GPM6A: variants seen among roughly 807,000 people sequenced by gnomAD.
GPM6A encodes neuronal membrane glycoprotein M6-a.
In GPM6A, 7 loss-of-function variants were observed where a neutral mutation model predicts 32.1. The ratio of observed to expected loss-of-function variants is 0.22; its 90% CI spans 0.12 to 0.41. GPM6A has a LOEUF of 0.41. GPM6A is among the 10% of genes least tolerant of loss of function. The pLI is 1.00. For synonymous variants in GPM6A, 130 were observed against 123.4 expected, an observed-to-expected ratio of 1.05 and a Z score of -0.35; for missense variants, 235 against 347.2, an observed-to-expected ratio of 0.68 and a Z score of 2.57.
intron 4 of GPM6A, among the ~76,000 whole-genome samples, chr4:175,642,757 T>C (rs1167869433): frequency 6.6e-6 from 1 of 152,224 alleles, no homozygotes; most frequent in African/African-American, 2.4e-5. Context: ...GCATATCTCA[T>C]CCAGTCCCAG....
At chr4:175,805,613 A>G (rs1734664802) in intron 1 of GPM6A, among the ~76,000 whole-genome samples, 1 of 152,212 alleles carries the variant, frequency 6.6e-6, no homozygotes, top group Non-Finnish European at 1.5e-5. Context: ...TTTAAGTCCA[A>G]AAACATTAAA....
chr4:175,862,120 T>C (rs1202797218), intron 1 of GPM6A, among the ~76,000 whole-genome samples: 4 of 152,230 alleles, frequency 2.6e-5, no homozygotes, highest in African/African-American at 9.6e-5. Flanking sequence ...TTCCATAGAT[T>C]AACTTTTTGG....
chr4:175,892,416 T>G (rs1380049671), intron 1 of GPM6A, among the ~76,000 whole-genome samples: 1 of 152,194 alleles, frequency 6.6e-6, no homozygotes, highest in Admixed American at 6.5e-5. Context: ...TCCTTCAACT[T>G]GTAATTCATG....
chr4:175,739,333 T>G (rs1214416291), intron 1 of GPM6A, among the ~76,000 whole-genome samples: 1 of 152,184 alleles, frequency 6.6e-6, no homozygotes, highest in Non-Finnish European at 1.5e-5. Context: ...TGATGCATTT[T>G]GTCAAATACC....
chr4:175,956,248 C>A (rs1016390704), intron 1 of GPM6A, among the ~76,000 whole-genome samples: 4 of 152,054 alleles, frequency 2.6e-5, no homozygotes, highest in African/African-American at 9.7e-5. Flanking sequence ...TCATTTTATC[C>A]TATGGACAAC....
intron 1 of GPM6A, among the ~76,000 whole-genome samples, chr4:175,860,587 C>T (rs904968899): frequency 2.0e-5 from 3 of 152,120 alleles, no homozygotes; most frequent in South Asian, 2.1e-4. Context: ...GAGAGGGAAG[C>T]GTAGCACAGA....
intron 1 of GPM6A, among the ~76,000 whole-genome samples, chr4:175,975,421 G>A (rs1458160274): frequency 6.6e-6 from 1 of 152,110 alleles, no homozygotes; most frequent in Non-Finnish European, 1.5e-5. Context: ...AAACATCTGT[G>A]ATATAACTAA....
chr4:175,862,650 T>C (rs772996038), intron 1 of GPM6A, among the ~76,000 whole-genome samples: 2 of 152,184 alleles, frequency 1.3e-5, no homozygotes, highest in Non-Finnish European at 2.9e-5. Flanking sequence ...CGTGGCAATG[T>C]TCAGCTTTAG....
At chr4:175,702,384 T>A (rs1347412604) in intron 1 of GPM6A, among the ~76,000 whole-genome samples, 1 of 152,238 alleles carries the variant, frequency 6.6e-6, no homozygotes, top group Non-Finnish European at 1.5e-5. Context: ...TTTTTAACTA[T>A]AATTTCCCTA....
intron 1 of GPM6A, among the ~76,000 whole-genome samples, chr4:175,810,864 C>T (rs1373529775): frequency 1.3e-5 from 2 of 152,070 alleles, no homozygotes; most frequent in Non-Finnish European, 2.9e-5. Context: ...GCTATTTGTG[C>T]ATATAATAAA....
chr4:175,757,612 T>C (rs1732578587), intron 1 of GPM6A, among the ~76,000 whole-genome samples: 1 of 152,210 alleles, frequency 6.6e-6, no homozygotes, highest in Non-Finnish European at 1.5e-5. Flanking sequence ...ACATAAAGTG[T>C]ATTTCTTAGC....
intron 1 of GPM6A, among the ~76,000 whole-genome samples, chr4:175,909,561 T>C (rs923344869): frequency 3.3e-5 from 5 of 152,176 alleles, no homozygotes; most frequent in African/African-American, 1.2e-4. Context: ...TCCATCAGCA[T>C]ACAATATAGG....
At chr4:175,638,318 T>C (rs540355112) in intron 6 of GPM6A, among the ~76,000 whole-genome samples, 1 of 152,156 alleles carries the variant, frequency 6.6e-6, no homozygotes, top group Admixed American at 6.6e-5. Flanking sequence ...TCCCAAGACC[T>C]ACATCATTAT....
intron 1 of GPM6A, among the ~76,000 whole-genome samples, chr4:175,818,454 TAGAG>T: frequency 6.6e-6 from 1 of 152,224 alleles, no homozygotes; most frequent in Non-Finnish European, 1.5e-5. Context: ...AATATATATA[TAGAG>T]AGAGAGTCAG....
chr4:175,881,007 C>T (rs1226088492), intron 1 of GPM6A, among the ~76,000 whole-genome samples: 2 of 152,122 alleles, frequency 1.3e-5, no homozygotes, highest in Non-Finnish European at 2.9e-5. Context: ...TCTAATTAAA[C>T]TAAAGAGCTC....
Position 175,954,942 on chromosome 4 carries a change from A to G in GPM6A, c.-23+47367T>C, listed in dbSNP as rs7672078. On this transcript the variant is annotated intron_variant, in intron 1 of 7. Coordinates refer to the GPM6A transcript ENST00000280187. ...ACTACAGGCGCTGTGAGGGCCTAAT[A>G]ATACTTAAGTCAAAGGACCAGACAA... Among the ~76,000 whole-genome samples, 641 of 152,316 alleles carry G rather than the reference A, an allele frequency of 4.2e-3. 6 individuals carry two copies. The highest frequency in any genetic ancestry group is 0.015 in the African/African-American group (620 of 41,566).
At chr4:175,979,421 T>C (rs1740758196) in intron 1 of GPM6A, among the ~76,000 whole-genome samples, 1 of 152,158 alleles carries the variant, frequency 6.6e-6, no homozygotes, top group Non-Finnish European at 1.5e-5. Flanking sequence ...ATATCAATCA[T>C]ACTAAAATTT....
At position 175,806,239 on chromosome 4, in the gene GPM6A, G is replaced by C. The variant is rs150877271; in HGVS notation, c.37+5952C>G. 2.6e-3 allele frequency among the ~76,000 whole-genome samples: 393 copies of C among 152,270 alleles called. 11 individuals carry two copies. The East Asian group carries it at 0.07, about 27-fold the overall frequency. On this transcript the variant is annotated intron_variant, in intron 1 of 6. Transcript: ENST00000393658. The stretch of plus-strand genomic sequence containing the variant: ...AATCTCTCATGAGCCATTGTCTTCT[G>C]ATGAATTAAGGAATAATTAATTTCT...
intron 1 of GPM6A, chr4:175,962,039 T>C (rs1385515428): frequency 5.2e-5 from 35 of 676,034 alleles, no homozygotes; most frequent in Non-Finnish European, 8.3e-6. Flanking sequence ...CAGGCCTTAC[T>C]TAAGAAATTT....
Sources: gnomAD v4.1 joint callset for allele counts (sites outside exome capture counted in the v4.1 genomes callset) on GRCh38, gnomAD v4.1.1 for gene constraint, MANE v1.5 for transcripts, NCBI Gene and HGNC (gene_info 2026-07-23, HGNC 2026-07-21) for gene names.